Variants in IRAK2 observed in about 807,000 individuals in gnomAD.
IRAK2 encodes the protein interleukin 1 receptor associated kinase 2.
In IRAK2, 57 loss-of-function variants were observed where a neutral mutation model predicts 72.0. The observed-to-expected ratio is 0.79, with a 90% CI of 0.64 to 0.99. IRAK2 has a LOEUF of 0.99. IRAK2 is among the 50% of genes least tolerant of loss of function. IRAK2 has a pLI of 0.00. For missense variants in IRAK2, 790 were observed against 794.4 expected, an observed-to-expected ratio of 0.99 and a Z score of 0.07; for synonymous variants, 293 against 312.7, an observed-to-expected ratio of 0.94 and a Z score of 0.67.
chr3:10,240,685 G>A (rs375798421), intron 12 of IRAK2, among the ~76,000 whole-genome samples: 11 of 148,310 alleles, frequency 7.4e-5, no homozygotes, highest in Middle Eastern at 3.3e-3. Context: ...TCAGCCTCCC[G>A]AGTAGCTGGG....
chr3:10,233,280 G>A (rs1475895968), intron 10 of IRAK2, among the ~76,000 whole-genome samples: 1 of 152,072 alleles, frequency 6.6e-6, no homozygotes, highest in African/African-American at 2.4e-5. Flanking sequence ...TCGAACTCCT[G>A]ACCTCGAGTG....
At chr3:10,232,081 C>G (rs931043248) in intron 10 of IRAK2, among the ~76,000 whole-genome samples, 40 of 152,156 alleles carry the variant, frequency 2.6e-4, no homozygotes, top group African/African-American at 8.4e-4. Flanking sequence ...GAGCCGAGAT[C>G]GTGCCACTGC....
intron 2 of IRAK2, among the ~76,000 whole-genome samples, chr3:10,187,345 G>A (rs569337393): frequency 7.2e-5 from 11 of 152,256 alleles, no homozygotes; most frequent in Admixed American, 4.6e-4. Flanking sequence ...TGAATGTTGT[G>A]ACCTCTGAGC....
chr3:10,182,745 ATAGT>A (rs1559440550), intron 2 of IRAK2, among the ~76,000 whole-genome samples: 1 of 149,348 alleles, frequency 6.7e-6, no homozygotes, highest in Non-Finnish European at 1.5e-5. Context: ...TGTTATCTCT[ATAGT>A]AGTTCAAACA....
At chr3:10,209,196 CT>C (rs1389708165) in intron 3 of IRAK2, among the ~76,000 whole-genome samples, 1 of 152,120 alleles carries the variant, frequency 6.6e-6, no homozygotes, top group Admixed American at 6.5e-5. Flanking sequence ...GGAAGGCAGG[CT>C]TGGTAGCTAG....
At chr3:10,224,725 T>TCC (rs1697746204) in intron 9 of IRAK2, among the ~76,000 whole-genome samples, 3 of 1,698 alleles carry the variant, frequency 1.8e-3, no homozygotes, top group Admixed American at 6.9e-3. Context: ...CCCACCCACA[T>TCC]ACCCATCCAT....
chr3:10,187,587 T>C (rs1267438257), intron 2 of IRAK2, among the ~76,000 whole-genome samples: 3 of 152,124 alleles, frequency 2.0e-5, no homozygotes, highest in Non-Finnish European at 4.4e-5. Context: ...GGTTCATGAA[T>C]AACTAAACTC....
chr3:10,227,915 C>T (rs1697805819), intron 10 of IRAK2, among the ~76,000 whole-genome samples: 1 of 151,932 alleles, frequency 6.6e-6, no homozygotes, highest in Non-Finnish European at 1.5e-5. Context: ...GTGATCCGCC[C>T]GCCTCGGCCT....
At chr3:10,238,606 G>A (rs1698002837) in intron 11 of IRAK2, 142 bp from the exon 12 acceptor site, 3 of 768,426 alleles carry the variant, frequency 3.9e-6, no homozygotes, top group Non-Finnish European at 6.3e-6. Context: ...TTCAAAGGAA[G>A]GGTGTGGTTT....
At chr3:10,188,437 C>A (rs545274036) in intron 2 of IRAK2, among the ~76,000 whole-genome samples, 1 of 152,228 alleles carries the variant, frequency 6.6e-6, no homozygotes, top group Non-Finnish European at 1.5e-5. Context: ...CGGGTTCAAG[C>A]GATCCTTGTG....
At chr3:10,240,558 C>CCCCCTTTT (rs1274154130) in intron 12 of IRAK2, among the ~76,000 whole-genome samples, 2 of 18,066 alleles carry the variant, frequency 1.1e-4, no homozygotes, top group African/African-American at 3.4e-4. Flanking sequence ...CCCCCCCCGC[C>CCCCCTTTT]TTTTTTTTTT....
At chr3:10,218,019 A>C (rs183055386) in intron 7 of IRAK2, among the ~76,000 whole-genome samples, 1 of 152,312 alleles carries the variant, frequency 6.6e-6, no homozygotes, top group African/African-American at 2.4e-5. Flanking sequence ...GTCAGGCCAG[A>C]GCTTACATTG....
intron 4 of IRAK2, among the ~76,000 whole-genome samples, chr3:10,212,366 A>C (rs904914900): frequency 2.5e-5 from 3 of 119,434 alleles, no homozygotes; most frequent in African/African-American, 8.7e-5. Flanking sequence ...GGCCCAAGAC[A>C]ATTCTTCTTC....
At chr3:10,192,050 G>A (rs1042636759) in intron 2 of IRAK2, among the ~76,000 whole-genome samples, 7 of 151,748 alleles carry the variant, frequency 4.6e-5, no homozygotes, top group Admixed American at 1.3e-4. Context: ...GTGTGTGTGT[G>A]TGTGTGTGTG....
chr3:10,165,087 C>T, intron 1 of IRAK2, 39 bp downstream of exon 1: 1 of 1,549,592 alleles, frequency 6.5e-7, no homozygotes, highest in Non-Finnish European at 8.8e-7. Context: ...CCAGGGCGAC[C>T]GGAGCCCCCA....
intron 3 of IRAK2, among the ~76,000 whole-genome samples, 173 bp from the exon 4 acceptor site, chr3:10,209,416 C>T (rs1456678493): frequency 2.0e-5 from 3 of 152,140 alleles, no homozygotes; most frequent in African/African-American, 7.2e-5. Flanking sequence ...AGAGGCTTAT[C>T]CTGAGGTGAT....
At chr3:10,179,438 ATT>A (rs34786090) in intron 2 of IRAK2, among the ~76,000 whole-genome samples, 40,976 of 144,522 alleles carry the variant, frequency 0.28, 6,931 homozygotes, top group Non-Finnish European at 0.39. Flanking sequence ...CATCCAGCTA[ATT>A]TTTTTTTTTT....
At chr3:10,182,249 G>A (rs1217098239) in intron 2 of IRAK2, among the ~76,000 whole-genome samples, 2 of 149,328 alleles carry the variant, frequency 1.3e-5, no homozygotes, top group African/African-American at 2.5e-5. Context: ...GATTACAGGT[G>A]TGAGCCACTG....
At chr3:10,237,736 G>A (rs1217615019) in intron 11 of IRAK2, among the ~76,000 whole-genome samples, 2 of 151,064 alleles carry the variant, frequency 1.3e-5, no homozygotes, top group Non-Finnish European at 2.9e-5. Flanking sequence ...GAACCCGGGA[G>A]GCAGAGCTTG....
Sources: allele counts gnomAD v4.1 joint callset (sites outside exome capture counted in the v4.1 genomes callset), GRCh38; gene constraint gnomAD v4.1.1; transcripts MANE v1.5; gene names NCBI Gene and HGNC (gene_info 2026-07-23, HGNC 2026-07-21).